The following NBN variants were observed in gnomAD, a reference collection of about 807,000 sequenced individuals.
The protein encoded by NBN is Nijmegen breakage syndrome 1 (nibrin).
A neutral mutation model predicts 90.8 loss-of-function variants in NBN; 88 were observed. The observed-to-expected ratio is 0.97, with a 90% CI of 0.82 to 1.16. The LOEUF (loss-of-function observed/expected upper bound fraction) is 1.16, where lower values mean the gene tolerates loss of function less well. Among genes scored for constraint, NBN ranks in the 50% most tolerant of loss-of-function variants. The pLI, the probability that NBN is intolerant of heterozygous loss-of-function variation, is 0.00. For missense variants in NBN, 894 were observed against 869.6 expected, an observed-to-expected ratio of 1.03 and a Z score of -0.35; for synonymous variants, 328 against 295.1, an observed-to-expected ratio of 1.11 and a Z score of -1.14.
chr8:89,947,049 G>GA (rs902834183), intron 12 of NBN, among the ~76,000 whole-genome samples: 4 of 147,884 alleles, frequency 2.7e-5, no homozygotes, highest in African/African-American at 9.9e-5. Context: ...CAGTCAAAAA[G>GA]AAAAAAAAAG....
At chr8:89,958,327 C>T (rs544035386) in intron 9 of NBN, among the ~76,000 whole-genome samples, 2 of 152,188 alleles carry the variant, frequency 1.3e-5, no homozygotes, top group Non-Finnish European at 2.9e-5. Context: ...CTATACAGTA[C>T]GCTATACCAT....
intron 7 of NBN, among the ~76,000 whole-genome samples, chr8:89,965,759 G>A (rs1811225429): frequency 6.6e-6 from 1 of 152,064 alleles, no homozygotes; most frequent in African/African-American, 2.4e-5. Context: ...CAAAGTGCTG[G>A]GATTACAGGC....
At chr8:89,955,965 C>A (rs867490107) in intron 9 of NBN, among the ~76,000 whole-genome samples, 1 of 151,450 alleles carries the variant, frequency 6.6e-6, no homozygotes, top group South Asian at 2.1e-4. Flanking sequence ...TATTATAGTA[C>A]CTTTTTATTA....
chr8:89,968,530 T>C (rs951310004), intron 7 of NBN, among the ~76,000 whole-genome samples: 3 of 152,080 alleles, frequency 2.0e-5, no homozygotes, highest in Admixed American at 1.3e-4. Flanking sequence ...AAATAATATA[T>C]AGGTTGAGGA....
chr8:89,980,613 T>C (rs1586106204), intron 4 of NBN, 121 bp downstream of exon 4: 2 of 799,382 alleles, frequency 2.5e-6, no homozygotes, highest in Non-Finnish European at 4.0e-6. Context: ...AGTGGGTATA[T>C]ATAAATCTAC....
chr8:89,983,714 C>T (rs970499074), intron 1 of NBN, among the ~76,000 whole-genome samples: 3 of 152,040 alleles, frequency 2.0e-5, no homozygotes, highest in Non-Finnish European at 4.4e-5. Context: ...TGGAGACATG[C>T]GGAGTTGAGT....
At chr8:89,977,688 C>G (rs192497095) in intron 5 of NBN, among the ~76,000 whole-genome samples, 3 of 152,302 alleles carry the variant, frequency 2.0e-5, no homozygotes, top group Admixed American at 2.0e-4. Flanking sequence ...TACACCCCCA[C>G]CAACAGTGTA....
In NBN at chr8:89,980,896, G is replaced by A. The variant is rs751356470; in HGVS notation, c.321-3C>T. ...CAACCAAAGGCTCATACTCTATTCT[G>A]TAAATGAGAATAAGTTAAATAAAGT... On this transcript the variant is annotated splice_polypyrimidine_tract_variant and splice_region_variant and intron_variant, in intron 3 of 15. Transcript: ENST00000265433. The A allele has an allele frequency of 1.2e-5, 20 of 1,611,248 alleles. No homozygotes were observed. Among genetic ancestry groups the A allele is most frequent in the Non-Finnish European group, 1.6e-5 (19 of 1,178,506 alleles).
intron 6 of NBN, 67 bp from the exon 7 acceptor site, chr8:89,970,624 T>C: frequency 6.9e-7 from 1 of 1,447,552 alleles, no homozygotes; most frequent in Non-Finnish European, 9.6e-7. Context: ...AAGAATTTGA[T>C]TTGGGAAACA....
At chr8:89,944,414 C>A (rs1035652468) in intron 13 of NBN, among the ~76,000 whole-genome samples, 2 of 152,202 alleles carry the variant, frequency 1.3e-5, no homozygotes, top group African/African-American at 4.8e-5. Flanking sequence ...ATTTTACAAT[C>A]CCAAGCTCCC....
intron 5 of NBN, among the ~76,000 whole-genome samples, chr8:89,977,292 C>T (rs1006295827): frequency 6.6e-6 from 1 of 152,080 alleles, no homozygotes; most frequent in Non-Finnish European, 1.5e-5. Context: ...CATTGTTCCA[C>T]TCCCACTTAT....
intron 14 of NBN, among the ~76,000 whole-genome samples, chr8:89,941,121 A>C (rs976705200): frequency 6.6e-6 from 1 of 152,184 alleles, no homozygotes. Context: ...GTTATGTCTT[A>C]AATGTCTTAT....
chr8:89,952,293 A>C (rs1301809053), intron 11 of NBN, among the ~76,000 whole-genome samples: 1 of 152,222 alleles, frequency 6.6e-6, no homozygotes, highest in Non-Finnish European at 1.5e-5. Context: ...GATATACTGA[A>C]TGAAAATCTC....
chr8:89,974,204 GT>G, intron 5 of NBN, among the ~76,000 whole-genome samples: 1 of 145,868 alleles, frequency 6.9e-6, no homozygotes, highest in East Asian at 2.0e-4. Context: ...TATTTCATTA[GT>G]CCTGCAGGCA....
intron 4 of NBN, among the ~76,000 whole-genome samples, chr8:89,980,315 C>T (rs753379629): frequency 1.3e-5 from 2 of 152,116 alleles, no homozygotes; most frequent in Non-Finnish European, 2.9e-5. Flanking sequence ...TATAGGTCAA[C>T]CTGTTTAAAA....
chr8:89,970,254 A>T (rs1811441641), intron 7 of NBN, 110 bp downstream of exon 7: 2 of 1,003,526 alleles, frequency 2.0e-6, no homozygotes, highest in Non-Finnish European at 3.0e-6. Context: ...CGTCTCAAAA[A>T]AAAAAAATTC....
At chr8:89,982,096 T>A in intron 2 of NBN, 1 of 409,080 alleles carries the variant, frequency 2.4e-6, no homozygotes, top group Non-Finnish European at 4.3e-6. Context: ...TCTTTCTTAT[T>A]ACCACCAGCG....
intron 5 of NBN, among the ~76,000 whole-genome samples, chr8:89,972,428 A>C (rs1586090597): frequency 6.6e-6 from 1 of 152,366 alleles, no homozygotes; most frequent in East Asian, 1.9e-4. Flanking sequence ...GGCAGGACAG[A>C]ATGCAGGCAA....
chr8:89,939,151 A>G (rs1586028026), intron 14 of NBN, among the ~76,000 whole-genome samples: 1 of 152,294 alleles, frequency 6.6e-6, no homozygotes, highest in East Asian at 1.9e-4. Context: ...GAACTGACGC[A>G]GTGATTATGA....
Sources: gnomAD v4.1 joint callset for allele counts (sites outside exome capture counted in the v4.1 genomes callset) on GRCh38, gnomAD v4.1.1 for gene constraint, MANE v1.5 for transcripts, NCBI Gene and HGNC (gene_info 2026-07-23, HGNC 2026-07-21) for gene names.